Variants in METTL14 observed in about 807,000 individuals in gnomAD.
METTL14 encodes N(6)-adenosine-methyltransferase non-catalytic subunit METTL14.
In METTL14, 32 loss-of-function variants were observed where a neutral mutation model predicts 62.4. That is an observed-to-expected ratio of 0.51 (90% CI 0.39 to 0.69). The LOEUF is 0.69. Ranked by LOEUF, METTL14 falls within the 30% of genes least tolerant of loss-of-function variation. METTL14 has a pLI of 0.00. For missense variants in METTL14, 340 were observed against 551.9 expected (o/e 0.62, Z 3.85); for synonymous variants, 150 against 180.0 (o/e 0.83, Z 1.34).
intron 10 of METTL14, among the ~76,000 whole-genome samples, chr4:118,708,896 C>T (rs1251056348): frequency 2.6e-5 from 4 of 152,174 alleles, no homozygotes; most frequent in Non-Finnish European, 5.9e-5. Context: ...ACCCAAAGAA[C>T]CCCAGAGCAC....
chr4:118,700,407 A>G (rs1724553913), intron 7 of METTL14, 143 bp from the exon 8 acceptor site: 1 of 604,336 alleles, frequency 1.7e-6, no homozygotes, highest in Middle Eastern at 4.6e-4. Flanking sequence ...TAAGGATAAC[A>G]TTTATTTTCT....
chr4:118,685,438 C>T lies in METTL14; in HGVS notation c.-97C>T, dbSNP rs1319125060. The T allele has an allele frequency of 4.1e-6, 5 of 1,227,646 alleles. No individual in the cohort carries two copies. The highest frequency in any genetic ancestry group is 4.7e-5 in the East Asian group (2 of 42,638). The allele number at this position is 1,227,646 out of a possible 1,614,324, so 76.0% of individuals were successfully genotyped here. A position where few individuals can be genotyped will look rare whatever the true frequency, so the allele number is the denominator to read the frequency against. On this transcript the variant is annotated 5_prime_UTR_variant, in exon 1 of 11. Transcript: ENST00000388822. ...ATGAGGATACTCTGTTCGTAAGCTC[C>T]CGGTGAATTTTGTTCCACAGACTCG...
intron 1 of METTL14, among the ~76,000 whole-genome samples, chr4:118,687,079 A>G (rs1724089357): frequency 6.6e-6 from 1 of 152,244 alleles, no homozygotes; most frequent in African/African-American, 2.4e-5. Context: ...TGCCTACAAA[A>G]TGTTTAACAT....
chr4:118,693,610 G>A (rs1724319074), intron 5 of METTL14, among the ~76,000 whole-genome samples: 1 of 152,108 alleles, frequency 6.6e-6, no homozygotes, highest in Non-Finnish European at 1.5e-5. Context: ...TAAGCAAAAT[G>A]TAGATGTAGC....
At chr4:118,707,038 C>T (rs1269262976) in intron 10 of METTL14, among the ~76,000 whole-genome samples, 1 of 152,128 alleles carries the variant, frequency 6.6e-6, no homozygotes, top group Non-Finnish European at 1.5e-5. Context: ...TGTCTTCTCA[C>T]TGCCTTGTTG....
intron 6 of METTL14, 96 bp downstream of exon 6, chr4:118,694,622 C>T (rs948254863): frequency 1.2e-5 from 11 of 889,348 alleles, no homozygotes; most frequent in Non-Finnish European, 1.8e-5. Flanking sequence ...CTAAATTCAG[C>T]ACTTATGTTA....
At chr4:118,704,165 G>C (rs1396111414) in intron 9 of METTL14, 114 bp downstream of exon 9, 1 of 648,134 alleles carries the variant, frequency 1.5e-6, no homozygotes, top group Non-Finnish European at 2.6e-6. Context: ...TCTTAGACTT[G>C]TAAAGACAGC....
rs59893927 is a variant in METTL14, at chr4:118,696,556, A to T, written c.504-626A>T. Among the ~76,000 whole-genome samples the T allele has an allele frequency of 5.8e-4, 88 of 152,292 alleles. No individual in the cohort carries two copies. In the East Asian group the frequency reaches 0.015, roughly 27 times the overall value. On this transcript the variant is annotated intron_variant, in intron 6 of 10. Transcript: ENST00000388822. Reference sequence around the variant, plus strand: ...GACCTTGTCTCAAACAAACAAACAAACAAACAAACGAAAACCCATTTACAT... The same window carrying T: ...GACCTTGTCTCAAACAAACAAACAATCAAACAAACGAAAACCCATTTACAT...
rs781544771 is a variant in METTL14 at position 118,685,488 on chromosome 4, C to G, written c.-47C>G. On this transcript the variant is annotated 5_prime_UTR_variant, in exon 1 of 11. Coordinates refer to ENST00000388822, the MANE Select transcript of METTL14 (RefSeq NM_020961.4). ...GGAAGAAAGGTTGGATAAGAGTTCA[C>G]TGGAGATTGACAAGTACTCGGGATA... is the stretch of plus-strand genomic sequence containing the variant. 12 of 1,574,570 alleles carry G rather than the reference C, an allele frequency of 7.6e-6. No homozygotes were observed. The South Asian group carries it at 1.3e-4, about 17-fold the overall frequency.
chr4:118,697,149 A>T (rs931483236), intron 6 of METTL14, 33 bp from the exon 7 acceptor site: 64 of 1,533,784 alleles, frequency 4.2e-5, no homozygotes, highest in Non-Finnish European at 5.6e-5. Flanking sequence ...GCATTTTTTT[A>T]AAAACCTCAT....
At chr4:118,693,456 T>C (rs1036033905) in intron 5 of METTL14, among the ~76,000 whole-genome samples, 2 of 152,182 alleles carry the variant, frequency 1.3e-5, no homozygotes, top group Non-Finnish European at 2.9e-5. Flanking sequence ...TGCGAATATT[T>C]TCTCGCATTC....
intron 4 of METTL14, 93 bp from the exon 5 acceptor site, chr4:118,691,888 A>G: frequency 1.2e-6 from 1 of 803,790 alleles, no homozygotes; most frequent in African/African-American, 1.8e-5. Flanking sequence ...AATTGATTGC[A>G]TTTTATATCA....
chr4:118,688,319 C>A (rs28429077), intron 2 of METTL14, among the ~76,000 whole-genome samples: 2 of 152,022 alleles, frequency 1.3e-5, no homozygotes, highest in Admixed American at 1.3e-4. Context: ...CTCCTGTAAT[C>A]CCCGCTACTC....
chr4:118,697,370 G>A, intron 7 of METTL14, 47 bp downstream of exon 7: 1 of 1,455,744 alleles, frequency 6.9e-7, no homozygotes, highest in Non-Finnish European at 9.3e-7. Context: ...ATTTTCAAAT[G>A]AATATGTTTA....
rs62328061 is a variant in METTL14, at chr4:118,689,451, A to C, written c.237A>C (p.Glu79Asp). ...EGETDEDKME[E>D]YKDELEMQQD... ...AGACAGATGAAGACAAAATGGAAGAATATAAGGCAAGTAGAGAGTGAAATA... is the reference window on the plus strand; with the variant it reads ...AGACAGATGAAGACAAAATGGAAGACTATAAGGCAAGTAGAGAGTGAAATA... The change falls in exon 3 of 11, where the codon GAA becomes GAC. Residue 79 changes from glutamate (E) to aspartate (D), a missense_variant. By Grantham distance (45) the Glu-to-Asp change is conservative (BLOSUM62 2). Around this residue, in one of 7 missense-constraint regions of METTL14, gnomAD observed 111 missense variants for 116.6 expected, o/e 0.95. Transcript: ENST00000388822. 1 of 1,567,280 alleles carries C rather than the reference A, an allele frequency of 6.4e-7. No individual in the cohort carries two copies. Among genetic ancestry groups the C allele is most frequent in the Non-Finnish European group, 8.8e-7 (1 of 1,142,498 alleles).
chr4:118,689,667 G>A (rs1724185571), intron 3 of METTL14, among the ~76,000 whole-genome samples: 2 of 143,228 alleles, frequency 1.4e-5, no homozygotes, highest in South Asian at 2.2e-4. Context: ...TTTTTGTGAC[G>A]GAGTCTCGCT....
chr4:118,696,580 A>C (rs1302407966), intron 6 of METTL14, among the ~76,000 whole-genome samples: 1 of 152,198 alleles, frequency 6.6e-6, no homozygotes, highest in Non-Finnish European at 1.5e-5. Context: ...ACCCATTTAC[A>C]TTTAAAGTAT....
intron 1 of METTL14, among the ~76,000 whole-genome samples, chr4:118,685,890 T>G (rs976250953): frequency 6.6e-6 from 1 of 152,206 alleles, no homozygotes; most frequent in Admixed American, 6.5e-5. Flanking sequence ...CACGCCAGGA[T>G]GAGTGTCATG....
At chr4:118,691,647 C>T (rs1467975354) in intron 4 of METTL14, 35 bp downstream of exon 4, 2 of 1,088,608 alleles carry the variant, frequency 1.8e-6, no homozygotes, top group South Asian at 3.3e-5. Context: ...TGTAACTCTT[C>T]ATATTTAAGT....
Sources: allele counts gnomAD v4.1 joint callset (sites outside exome capture counted in the v4.1 genomes callset), GRCh38; gene constraint gnomAD v4.1.1; regional missense constraint gnomAD v4.1.1; transcripts MANE v1.5; gene names NCBI Gene and HGNC (gene_info 2026-07-23, HGNC 2026-07-21).